Variants in SEMA4D observed in about 807,000 individuals in gnomAD.
The protein encoded by SEMA4D is semaphorin-4D.
In SEMA4D, 22 loss-of-function variants were observed where a neutral mutation model predicts 74.8. That is an observed-to-expected ratio of 0.29 (90% confidence interval 0.21 to 0.42). The LOEUF is 0.42. Among genes scored for constraint, SEMA4D ranks in the 10% least tolerant of loss-of-function variants. The probability of loss-of-function intolerance (pLI) is 1.00; values close to 1 mark genes in which losing one functional copy is unlikely to be tolerated. For missense variants in SEMA4D, 937 were observed against 1,118.4 expected, an observed-to-expected ratio of 0.84 and a Z score of 2.31; for synonymous variants, 445 against 463.7, an observed-to-expected ratio of 0.96 and a Z score of 0.52.
rs928673632 is a variant in SEMA4D, at chr9:89,484,606, C to T, written c.-310+13313G>A. Among the ~76,000 whole-genome samples, 4 of 146,590 alleles carry T rather than the reference C, an allele frequency of 2.7e-5. No individual in the cohort carries two copies. Among genetic ancestry groups the T allele is most frequent in the Non-Finnish European group, 4.5e-5 (3 of 66,564 alleles). ...GGTATGTGTGTAGTATGGGGTGTTCCGTGGTGTGATGTGCGGTGTATGTAT... is the reference window on the plus strand; with the variant it reads ...GGTATGTGTGTAGTATGGGGTGTTCTGTGGTGTGATGTGCGGTGTATGTAT... On this transcript the variant is annotated intron_variant, in intron 1 of 15. Transcript: ENST00000422704. This position sits in a 1 kb window ranked among gnomAD's most constrained non-coding sequence, Gnocchi z 4.1.
At chr9:89,390,632 G>A (rs1292222353) in intron 9 of SEMA4D, among the ~76,000 whole-genome samples, 1 of 152,170 alleles carries the variant, frequency 6.6e-6, no homozygotes, top group Non-Finnish European at 1.5e-5. Flanking sequence ...CATGAGAGAC[G>A]AATGGCTACC....
chr9:89,429,064 T>C (rs1357437836), intron 2 of SEMA4D, among the ~76,000 whole-genome samples: 1 of 152,102 alleles, frequency 6.6e-6, no homozygotes, highest in Non-Finnish European at 1.5e-5. Flanking sequence ...AAGCGGTTCG[T>C]CCAAGAGTGC....
intron 6 of SEMA4D, among the ~76,000 whole-genome samples, chr9:89,395,813 G>A (rs1372128819): frequency 6.6e-6 from 1 of 152,078 alleles, no homozygotes; most frequent in East Asian, 1.9e-4. Context: ...ACGTTGTCTT[G>A]TCATTTATCT....
chr9:89,404,011 G>A (rs1842732547), intron 3 of SEMA4D, among the ~76,000 whole-genome samples: 1 of 152,204 alleles, frequency 6.6e-6, no homozygotes, highest in South Asian at 2.1e-4. Context: ...CAGGCAGCAG[G>A]TCCTCTCTCT....
chr9:89,480,495 C>T (rs1035924283), intron 1 of SEMA4D, among the ~76,000 whole-genome samples: 1 of 152,196 alleles, frequency 6.6e-6, no homozygotes, highest in Non-Finnish European at 1.5e-5. Context: ...AGGCTCGGGC[C>T]GCACAGGAGC....
chr9:89,409,437 C>T (rs568454807), intron 2 of SEMA4D, among the ~76,000 whole-genome samples: 1 of 152,266 alleles, frequency 6.6e-6, no homozygotes, highest in Admixed American at 6.5e-5. Context: ...TGTGGGTTCA[C>T]CGACTGTAGC....
Position 89,405,685 on chromosome 9 carries a change from G to A in SEMA4D, c.-229C>T. The A allele has an allele frequency of 7.1e-7, 1 of 1,406,044 alleles. No individual in the cohort carries two copies. The highest frequency in any genetic ancestry group is 9.2e-7 in the Non-Finnish European group (1 of 1,083,726). 87.1% of individuals were successfully genotyped at this position (1,406,044 alleles called of 1,614,324 possible). A position where few individuals can be genotyped will look rare whatever the true frequency, so the allele number is the denominator to read the frequency against. On this transcript the variant is annotated 5_prime_UTR_variant, in exon 3 of 16. Coordinates refer to ENST00000422704, the MANE Select transcript of SEMA4D (RefSeq NM_001371194.2). Reference sequence around the variant, plus strand: ...AAAGCCCACTTGATACTTCTTCAGGGCCTCAGAAGAAATGCTGGAAGGACA... The same window carrying A: ...AAAGCCCACTTGATACTTCTTCAGGACCTCAGAAGAAATGCTGGAAGGACA...
Position 89,365,681 on chromosome 9 carries a change from C to A in SEMA4D, c.1883-1731G>T, listed in dbSNP as rs564206041. 5 of 152,350 alleles carry A rather than the reference C, an allele frequency of 3.3e-5. No homozygotes were observed. In the South Asian group the frequency reaches 6.2e-4, roughly 19 times the overall value. The allele number at this position is 152,350 out of a possible 1,614,324, so 9.4% of individuals were successfully genotyped here. A position where few individuals can be genotyped will look rare whatever the true frequency, so the allele number is the denominator to read the frequency against. ...TCCAGAGCCAAAAGAGTCCAAAGTA[C>A]CTGCACACACAAAAACTGGCCTTGT... On this transcript the variant is annotated intron_variant, in intron 16 of 18. Transcript: ENST00000339861.
intron 2 of SEMA4D, among the ~76,000 whole-genome samples, chr9:89,441,783 C>G (rs929058173): frequency 1.3e-5 from 2 of 152,198 alleles, no homozygotes; most frequent in Admixed American, 1.3e-4. Context: ...GCCCTAACCC[C>G]CCTCCCACAC....
Position 89,397,994 on chromosome 9 carries a change from C to A in SEMA4D, c.316-1159G>T, listed in dbSNP as rs570859458. 7.9e-5 allele frequency among the ~76,000 whole-genome samples: 12 copies of A among 152,092 alleles called. No homozygotes were observed. In the East Asian group the frequency reaches 1.4e-3, roughly 17 times the overall value. ...AGGGACCAAAGGGACGGACGTGTGC[C>A]AAGAATCCAAAAGTCCCAGTGATAG... On this transcript the variant is annotated intron_variant, in intron 5 of 15. Coordinates refer to ENST00000422704, the MANE Select transcript of SEMA4D (RefSeq NM_001371194.2).
intron 5 of SEMA4D, among the ~76,000 whole-genome samples, chr9:89,398,569 C>CA (rs1841506730): frequency 6.6e-6 from 1 of 152,244 alleles, no homozygotes; most frequent in African/African-American, 2.4e-5. Context: ...CCTTTGCCCT[C>CA]ACTGGCAGAG....
At chr9:89,400,249 TG>T (rs913459685) in intron 4 of SEMA4D, among the ~76,000 whole-genome samples, 3 of 152,202 alleles carry the variant, frequency 2.0e-5, no homozygotes, top group Middle Eastern at 3.4e-3. Flanking sequence ...TTCCAGGGGG[TG>T]GGGGCCTTAG....
At chr9:89,374,385 GAAGA>G (rs1835508981), downstream of SEMA4D, among the ~76,000 whole-genome samples, 1 of 152,224 alleles carries the variant, frequency 6.6e-6, no homozygotes, top group Non-Finnish European at 1.5e-5. Flanking sequence ...AAGTTGGAAG[GAAGA>G]AACATTTTTG....
At chr9:89,436,620 G>C (rs938331245) in intron 2 of SEMA4D, 1 of 152,388 alleles carries the variant, frequency 6.6e-6, no homozygotes, top group African/African-American at 2.4e-5. Flanking sequence ...TTAAACAGCG[G>C]GGCTGTTCAG....
intron 2 of SEMA4D, among the ~76,000 whole-genome samples, chr9:89,416,669 C>T (rs912530986): frequency 1.3e-5 from 2 of 152,100 alleles, no homozygotes; most frequent in African/African-American, 2.4e-5. Flanking sequence ...TAACAGTGGT[C>T]GCTTATAAGG....
At chr9:89,462,087 G>A (rs1301621338) in intron 1 of SEMA4D, among the ~76,000 whole-genome samples, 8 of 152,124 alleles carry the variant, frequency 5.3e-5, no homozygotes, top group Non-Finnish European at 1.0e-4. Flanking sequence ...TGCATTAAAC[G>A]TGGTTTGGGT....
rs1832858354 is a variant in SEMA4D, at chr9:89,362,549, T to G, written c.2191-121A>C. 5 of 1,559,806 alleles carry G rather than the reference T, an allele frequency of 3.2e-6. No homozygotes were observed. The East Asian group carries it at 9.0e-5, about 28-fold the overall frequency. On this transcript the variant is annotated intron_variant, in intron 18 of 18. Coordinates refer to the SEMA4D transcript ENST00000339861. ...CACTCAAGGCCTCAGCCCCCTGTTG[T>G]GGTTCCCCTCCTTGGAGTCTAAAGA...
chr9:89,362,693 C>G (rs1191797457), intron 18 of SEMA4D, among the ~76,000 whole-genome samples: 1 of 152,246 alleles, frequency 6.6e-6, no homozygotes, highest in Non-Finnish European at 1.5e-5. Context: ...CCTGTGTGTG[C>G]TGAAGTACAG....
Position 89,379,492 on chromosome 9 carries a change from A to G in SEMA4D, c.1801T>C (p.Tyr601His), listed in dbSNP as rs1268649040. Residue 601 changes from tyrosine to histidine, a missense_variant, in exon 16 of 16, where the codon TAC becomes CAC. Tyr to His is a moderately conservative substitution (Grantham distance 83, BLOSUM62 2). Transcript: ENST00000422704. ...AAGTTTTTTCTGCCCATAAGACCGTACTTGGGGCTCTCGGCCTTCAACACG... is the reference window on the plus strand; with the variant it reads ...AAGTTTTTTCTGCCCATAAGACCGTGCTTGGGGCTCTCGGCCTTCAACACG... ...NGVLKAESPK[Y>H]GLMGRKNLLI... The G allele has an allele frequency of 1.9e-6, 3 of 1,614,192 alleles. No homozygotes were observed. Among genetic ancestry groups the G allele is most frequent in the Non-Finnish European group, 2.5e-6 (3 of 1,180,032 alleles).
Sources: gnomAD v4.1 joint callset for allele counts (sites outside exome capture counted in the v4.1 genomes callset) on GRCh38, gnomAD v4.1.1 for gene constraint, Gnocchi (gnomAD v3.1) non-coding constraint, MANE v1.5 for transcripts, NCBI Gene and HGNC (gene_info 2026-07-23, HGNC 2026-07-21) for gene names.